The following ZBTB20 variants were observed in gnomAD, a reference collection of about 807,000 sequenced individuals.
ZBTB20 encodes the protein zinc finger and BTB domain-containing protein 20.
In ZBTB20, 9 loss-of-function variants were observed where a neutral mutation model predicts 56.9. That is an observed-to-expected ratio of 0.16 (90% CI 0.10 to 0.28). The LOEUF (loss-of-function observed/expected upper bound fraction) is 0.28. ZBTB20 is among the 10% of genes least tolerant of loss of function. The probability of loss-of-function intolerance (pLI) is 1.00; values close to 1 mark genes in which losing one functional copy is unlikely to be tolerated. For missense variants in ZBTB20, 655 were observed against 1,003.0 expected, an observed-to-expected ratio of 0.65 and a Z score of 4.69; for synonymous variants, 417 against 420.7, an observed-to-expected ratio of 0.99 and a Z score of 0.11.
chr3:114,858,317 A>G (rs1386467907), intron 4 of ZBTB20, among the ~76,000 whole-genome samples: 1 of 152,220 alleles, frequency 6.6e-6, no homozygotes, highest in Non-Finnish European at 1.5e-5. Flanking sequence ...GTTTAAATAC[A>G]GGAGGTAAAA....
intron 1 of ZBTB20, among the ~76,000 whole-genome samples, chr3:115,125,379 C>T (rs539121836): frequency 5.3e-5 from 8 of 151,198 alleles, no homozygotes; most frequent in Non-Finnish European, 8.8e-5. Flanking sequence ...GACATACATA[C>T]ACAATGGAAT....
intron 11 of ZBTB20, among the ~76,000 whole-genome samples, chr3:114,343,478 A>G (rs3773671): frequency 0.34 from 51,415 of 152,052 alleles, 10,898 homozygotes; most frequent in Non-Finnish European, 0.47. Context: ...TCGTGAGTAC[A>G]GTGATGGGTC....
At chr3:114,774,064 A>C (rs1484848731) in intron 5 of ZBTB20, among the ~76,000 whole-genome samples, 4 of 152,192 alleles carry the variant, frequency 2.6e-5, no homozygotes, top group African/African-American at 9.6e-5. Context: ...TTGAAAATTT[A>C]CTCAACTTCA....
At chr3:114,381,839 A>G (rs555105234) in intron 8 of ZBTB20, among the ~76,000 whole-genome samples, 4 of 152,296 alleles carry the variant, frequency 2.6e-5, no homozygotes, top group Admixed American at 6.5e-5. Flanking sequence ...CAAAGATTAG[A>G]ATAGAGGTGA....
At chr3:115,045,071 A>G (rs2081285029) in intron 2 of ZBTB20, among the ~76,000 whole-genome samples, 1 of 152,192 alleles carries the variant, frequency 6.6e-6, no homozygotes, top group Admixed American at 6.5e-5. Context: ...GCAGCAAATC[A>G]TACTTAGCAT....
chr3:114,365,209 A>C (rs190939070), intron 10 of ZBTB20, among the ~76,000 whole-genome samples: 1 of 152,364 alleles, frequency 6.6e-6, no homozygotes. Context: ...CATGGAGAAC[A>C]GAGTGGCTTC....
intron 3 of ZBTB20, among the ~76,000 whole-genome samples, chr3:114,969,683 G>A (rs1444686087): frequency 1.3e-5 from 2 of 152,116 alleles, no homozygotes; most frequent in African/African-American, 4.8e-5. Context: ...CTTATATTAT[G>A]AGCCAGGCAA....
chr3:114,507,189 C>T (rs1285128431), intron 6 of ZBTB20, among the ~76,000 whole-genome samples: 2 of 152,052 alleles, frequency 1.3e-5, no homozygotes, highest in Non-Finnish European at 2.9e-5. Context: ...GTTACTTTTT[C>T]GGGAACAAGT....
At chr3:114,400,721 G>A (rs912298942) in intron 7 of ZBTB20, among the ~76,000 whole-genome samples, 1 of 152,032 alleles carries the variant, frequency 6.6e-6, no homozygotes, top group Admixed American at 6.6e-5. Flanking sequence ...GAGGTCAGAC[G>A]TCACTGCTCC....
At chr3:114,712,106 T>C (rs1367395304) in intron 5 of ZBTB20, among the ~76,000 whole-genome samples, 1 of 152,210 alleles carries the variant, frequency 6.6e-6, no homozygotes, top group Admixed American at 6.5e-5. Flanking sequence ...GACGTGATTA[T>C]CAGATGTTAG....
chr3:114,669,480 T>C (rs963433337), intron 6 of ZBTB20, among the ~76,000 whole-genome samples: 1 of 152,062 alleles, frequency 6.6e-6, no homozygotes, highest in African/African-American at 2.4e-5. Flanking sequence ...CCCATTATTA[T>C]AAACCAATAA....
At position 114,525,163 on chromosome 3, in the gene ZBTB20, T is replaced by TGG. The variant is rs551328669; in HGVS notation, c.-294-24774_-294-24773dup. 3.0e-3 allele frequency among the ~76,000 whole-genome samples: 449 copies of TGG among 151,834 alleles called. 1 individual carries two copies. Among genetic ancestry groups the TGG allele is most frequent in the East Asian group, 0.018 (92 of 5,162 alleles). ...TCATTTATTTGTTTGCTTTTTTTGT[T>TGG]GGGGGGGGTGTCTATTTTCCTTCAT... On this transcript the variant is annotated intron_variant, in intron 6 of 11. Transcript: ENST00000675478.
intron 1 of ZBTB20, among the ~76,000 whole-genome samples, chr3:115,106,359 G>A (rs2083724387): frequency 2.0e-5 from 3 of 149,380 alleles, no homozygotes; most frequent in Admixed American, 6.7e-5. Context: ...TCAGCCTCCC[G>A]AGTAGCTGGG....
At chr3:114,627,532 G>C (rs977571232) in intron 6 of ZBTB20, among the ~76,000 whole-genome samples, 1 of 152,116 alleles carries the variant, frequency 6.6e-6, no homozygotes, top group African/African-American at 2.4e-5. Context: ...ATACTTTACT[G>C]TTAGAGAAGG....
chr3:114,616,707 C>T (rs969148043), intron 6 of ZBTB20, among the ~76,000 whole-genome samples: 2 of 152,126 alleles, frequency 1.3e-5, no homozygotes, highest in Non-Finnish European at 2.9e-5. Flanking sequence ...AAAGTCTGTC[C>T]CTGACATCTC....
At chr3:114,389,759 C>G (rs1384142757) in intron 7 of ZBTB20, among the ~76,000 whole-genome samples, 2 of 151,688 alleles carry the variant, frequency 1.3e-5, no homozygotes, top group Admixed American at 1.3e-4. Flanking sequence ...CGTGATGGCG[C>G]ACGCCTGTAG....
At chr3:114,484,560 C>A (rs1466673192) in intron 7 of ZBTB20, among the ~76,000 whole-genome samples, 1 of 152,176 alleles carries the variant, frequency 6.6e-6, no homozygotes, top group Admixed American at 6.5e-5. Context: ...TTAAGATTTT[C>A]ATTACTGATA....
intron 7 of ZBTB20, among the ~76,000 whole-genome samples, chr3:114,435,910 T>C (rs998132173): frequency 6.6e-6 from 1 of 152,196 alleles, no homozygotes; most frequent in Admixed American, 6.5e-5. Flanking sequence ...GCCTATATAC[T>C]GACTAATGTT....
At chr3:114,787,022 C>T (rs2070545337) in intron 5 of ZBTB20, among the ~76,000 whole-genome samples, 1 of 151,760 alleles carries the variant, frequency 6.6e-6, no homozygotes, top group African/African-American at 2.4e-5. Flanking sequence ...ACTCTATTGC[C>T]CAGACTAAAG....
Sources: allele counts gnomAD v4.1 joint callset (sites outside exome capture counted in the v4.1 genomes callset), GRCh38; gene constraint gnomAD v4.1.1; transcripts MANE v1.5; gene names NCBI Gene and HGNC (gene_info 2026-07-23, HGNC 2026-07-21).